SMOC1: variants seen among roughly 807,000 people sequenced by gnomAD.
SMOC1 encodes SPARC related modular calcium binding 1.
In SMOC1, 22 loss-of-function variants were observed where a neutral mutation model predicts 56.3. The ratio of observed to expected loss-of-function variants is 0.39; its 90% CI spans 0.28 to 0.56. The LOEUF is 0.56. Ranked by LOEUF, SMOC1 falls within the 20% of genes least tolerant of loss-of-function variation. The probability of loss-of-function intolerance (pLI) is 0.61; values close to 1 mark genes in which losing one functional copy is unlikely to be tolerated. For synonymous variants in SMOC1, 193 were observed against 215.0 expected, an observed-to-expected ratio of 0.90 and a Z score of 0.89; for missense variants, 509 against 565.4, an observed-to-expected ratio of 0.90 and a Z score of 1.01.
intron 1 of SMOC1, among the ~76,000 whole-genome samples, chr14:69,900,318 G>A (rs1440874741): frequency 1.3e-5 from 2 of 152,150 alleles, no homozygotes; most frequent in Non-Finnish European, 2.9e-5. Flanking sequence ...AAAGAACCCG[G>A]CACAGCGCTA....
At chr14:69,918,220 CTA>C (rs551699241) in intron 1 of SMOC1, among the ~76,000 whole-genome samples, 5 of 147,128 alleles carry the variant, frequency 3.4e-5, no homozygotes, top group East Asian at 2.0e-4. Flanking sequence ...AGAACTTACC[CTA>C]TATATATATA....
chr14:69,917,172 A>G lies in SMOC1; in HGVS notation c.100-34966A>G, dbSNP rs186300711. 5.9e-5 allele frequency among the ~76,000 whole-genome samples: 9 copies of G among 152,362 alleles called. No individual in the cohort carries two copies. The East Asian group carries it at 1.2e-3, about 20-fold the overall frequency. ...AAAGTGTGAGAAAATCCTGATTTACATTGCAAATGGTAACAGCTCACTTTG... is the reference window on the plus strand; with the variant it reads ...AAAGTGTGAGAAAATCCTGATTTACGTTGCAAATGGTAACAGCTCACTTTG... On this transcript the variant is annotated intron_variant, in intron 1 of 11. Coordinates refer to ENST00000361956, the MANE Select transcript of SMOC1 (RefSeq NM_001034852.3).
chr14:69,908,096 G>A (rs956114030), intron 1 of SMOC1, among the ~76,000 whole-genome samples: 6 of 152,210 alleles, frequency 3.9e-5, no homozygotes, highest in Admixed American at 1.3e-4. Context: ...TATAAAAATG[G>A]TGTTGTGTTT....
intron 1 of SMOC1, among the ~76,000 whole-genome samples, chr14:69,916,339 C>T (rs1241223359): frequency 2.6e-5 from 4 of 152,248 alleles, no homozygotes; most frequent in African/African-American, 4.8e-5. Flanking sequence ...TGGTCCAAGC[C>T]GTTAGGCTCT....
At chr14:70,001,222 GC>G (rs1189050756) in intron 7 of SMOC1, among the ~76,000 whole-genome samples, 4 of 152,090 alleles carry the variant, frequency 2.6e-5, no homozygotes, top group Admixed American at 1.3e-4. Context: ...ATCTAGCATT[GC>G]CGCTTAGTTT....
intron 1 of SMOC1, among the ~76,000 whole-genome samples, chr14:69,909,271 C>T (rs1234313716): frequency 1.3e-5 from 2 of 152,166 alleles, no homozygotes; most frequent in African/African-American, 4.8e-5. Context: ...GGTGCATATT[C>T]ACTCTATATG....
intron 1 of SMOC1, among the ~76,000 whole-genome samples, chr14:69,946,637 T>A (rs1882794430): frequency 6.6e-6 from 1 of 152,198 alleles, no homozygotes; most frequent in Admixed American, 6.5e-5. Flanking sequence ...ATCCCCCAAA[T>A]TTCCACCAAC....
intron 7 of SMOC1, among the ~76,000 whole-genome samples, chr14:69,995,033 A>G (rs1594845116): frequency 6.6e-6 from 1 of 152,358 alleles, no homozygotes; most frequent in East Asian, 1.9e-4. Context: ...AAGTCTATTT[A>G]CTATCAATAA....
At chr14:69,904,535 C>G (rs751484136) in intron 1 of SMOC1, among the ~76,000 whole-genome samples, 2 of 152,254 alleles carry the variant, frequency 1.3e-5, no homozygotes, top group Non-Finnish European at 2.9e-5. Context: ...ATTCCTCAGC[C>G]TTGTTGTAGC....
chr14:69,911,844 T>C (rs1405199998), intron 1 of SMOC1, among the ~76,000 whole-genome samples: 1 of 152,198 alleles, frequency 6.6e-6, no homozygotes, highest in African/African-American at 2.4e-5. Context: ...TGAACATAAG[T>C]GTTCACTTCT....
intron 1 of SMOC1, among the ~76,000 whole-genome samples, chr14:69,929,114 G>C (rs1885095627): frequency 6.6e-6 from 1 of 152,176 alleles, no homozygotes; most frequent in Non-Finnish European, 1.5e-5. Context: ...GGCATCTCAT[G>C]TCTTTATAGT....
intron 1 of SMOC1, among the ~76,000 whole-genome samples, chr14:69,926,545 G>A (rs1885016757): frequency 6.6e-6 from 1 of 152,210 alleles, no homozygotes; most frequent in African/African-American, 2.4e-5. Context: ...TCTCTCTTGT[G>A]GCCTCAGGTC....
chr14:69,901,837 A>G (rs1050148194), intron 1 of SMOC1, among the ~76,000 whole-genome samples: 2 of 152,220 alleles, frequency 1.3e-5, no homozygotes, highest in African/African-American at 4.8e-5. Flanking sequence ...AATTCAGTGC[A>G]TTCTTTGGTG....
chr14:70,000,681 T>C (rs538151377), intron 7 of SMOC1, among the ~76,000 whole-genome samples: 1 of 152,350 alleles, frequency 6.6e-6, no homozygotes, highest in Admixed American at 6.5e-5. Context: ...GATCTTGTTC[T>C]TCCCTGCCCT....
At chr14:70,016,060 T>C (rs559584915) in intron 10 of SMOC1, among the ~76,000 whole-genome samples, 47 of 152,262 alleles carry the variant, frequency 3.1e-4, no homozygotes, top group African/African-American at 1.1e-3. Flanking sequence ...TCTGCCTGAG[T>C]CCTAAGGAGG....
intron 1 of SMOC1, among the ~76,000 whole-genome samples, chr14:69,920,104 G>A (rs892464060): frequency 6.6e-6 from 1 of 152,166 alleles, no homozygotes; most frequent in Admixed American, 6.5e-5. Flanking sequence ...AAGGCCCAGA[G>A]CCTCTATCAG....
chr14:70,030,136 A>G (rs1027887405), intron 11 of SMOC1, 106 bp from the exon 12 acceptor site: 1 of 1,546,976 alleles, frequency 6.5e-7, no homozygotes, highest in Non-Finnish European at 8.9e-7. Flanking sequence ...TTGTGGGGAA[A>G]TTGATGGACA....
At chr14:69,913,084 C>A (rs1024193810) in intron 1 of SMOC1, among the ~76,000 whole-genome samples, 7 of 152,164 alleles carry the variant, frequency 4.6e-5, no homozygotes, top group Admixed American at 4.6e-4. Context: ...GTAGAAAAAA[C>A]CCAGATTATA....
At chr14:69,938,773 G>A (rs947139484) in intron 1 of SMOC1, among the ~76,000 whole-genome samples, 2 of 152,204 alleles carry the variant, frequency 1.3e-5, no homozygotes, top group African/African-American at 2.4e-5. Flanking sequence ...GAGGTCTTAT[G>A]TCTGGTGATG....
Sources: gnomAD v4.1 joint callset for allele counts (sites outside exome capture counted in the v4.1 genomes callset) on GRCh38, gnomAD v4.1.1 for gene constraint, MANE v1.5 for transcripts, NCBI Gene and HGNC (gene_info 2026-07-23, HGNC 2026-07-21) for gene names.